Variants in SPAG16 observed in about 807,000 individuals in gnomAD.
The protein encoded by SPAG16 is sperm-associated antigen 16 protein.
Under a neutral mutation model 80.4 loss-of-function variants are expected in SPAG16, and 86 were observed. That is an observed-to-expected ratio of 1.07 (90% CI 0.90 to 1.28). SPAG16 has a LOEUF of 1.28. Among genes scored for constraint, SPAG16 ranks in the 50% most tolerant of loss-of-function variants. The pLI is 0.00. For synonymous variants in SPAG16, 294 were observed against 265.9 expected (o/e 1.11, Z -1.03); for missense variants, 870 against 765.3 (o/e 1.14, Z -1.61).
chr2:213,298,957 T>A (rs893388933), intron 3 of SPAG16, among the ~76,000 whole-genome samples: 10 of 152,226 alleles, frequency 6.6e-5, no homozygotes, highest in African/African-American at 1.9e-4. Context: ...TTATATTTTT[T>A]AATTTGCTTT....
In SPAG16 at chr2:213,817,256, G is replaced by GATATATATAT. The variant is rs549146369; in HGVS notation, c.1071-45220_1071-45211dup. 8.0e-3 allele frequency among the ~76,000 whole-genome samples: 1,130 copies of GATATATATAT among 140,840 alleles called. 15 individuals are homozygous for GATATATATAT. The highest frequency in any genetic ancestry group is 0.027 in the African/African-American group (1,024 of 38,540). 92.4% of individuals were successfully genotyped at this position (140,840 alleles called of 152,430 possible). A position where few individuals can be genotyped will look rare whatever the true frequency, so the allele number is the denominator to read the frequency against. On this transcript the variant is annotated intron_variant, in intron 10 of 15. Transcript: ENST00000331683. ...CTTATATATATATACTTATATATAT[G>GATATATATAT]ATATATATATATATATATCACAGTC...
intron 12 of SPAG16, among the ~76,000 whole-genome samples, chr2:213,931,039 A>G (rs1039910037): frequency 1.2e-4 from 19 of 152,162 alleles, no homozygotes; most frequent in African/African-American, 4.3e-4. Context: ...GTGTTCGCTC[A>G]GTCCTAGGGG....
chr2:213,872,350 A>G (rs1258144963), intron 11 of SPAG16, among the ~76,000 whole-genome samples: 1 of 152,028 alleles, frequency 6.6e-6, no homozygotes, highest in Admixed American at 6.6e-5. Context: ...GTTATCCACT[A>G]AGTTTGTGGT....
chr2:214,105,553 C>T (rs1054244801), intron 13 of SPAG16, among the ~76,000 whole-genome samples: 13 of 152,126 alleles, frequency 8.5e-5, no homozygotes, highest in African/African-American at 3.1e-4. Context: ...CCATTTCTAC[C>T]CCCAGGGTCA....
At chr2:214,297,300 GC>G (rs1215019758) in intron 15 of SPAG16, among the ~76,000 whole-genome samples, 1 of 152,070 alleles carries the variant, frequency 6.6e-6, no homozygotes, top group Non-Finnish European at 1.5e-5. Context: ...TTATGCAGAA[GC>G]TTTTTGGTTT....
chr2:214,155,845 C>T (rs1370786010), intron 15 of SPAG16, among the ~76,000 whole-genome samples: 1 of 152,084 alleles, frequency 6.6e-6, no homozygotes, highest in African/African-American at 2.4e-5. Flanking sequence ...GTTACTCTTG[C>T]CCCTGTTTTA....
chr2:214,351,102 C>T lies in SPAG16; in HGVS notation c.1721-59038C>T, dbSNP rs1424555077. 2.6e-5 allele frequency among the ~76,000 whole-genome samples: 4 copies of T among 152,092 alleles called. No individual in the cohort carries two copies. In the East Asian group the frequency reaches 7.7e-4, roughly 29 times the overall value. On this transcript the variant is annotated intron_variant, in intron 15 of 15. Transcript: ENST00000331683. ...TGGGAATGAGGATGTATGATCAATA[C>T]ACTAGAATAGATTTTATTGTAATCC... is the stretch of plus-strand genomic sequence containing the variant.
chr2:214,252,412 A>G (rs1690359113), intron 15 of SPAG16, among the ~76,000 whole-genome samples: 1 of 152,034 alleles, frequency 6.6e-6, no homozygotes, highest in South Asian at 2.1e-4. Flanking sequence ...CATCATCTAC[A>G]TTAGGTATTT....
chr2:213,581,434 G>A (rs1476585278), intron 10 of SPAG16, among the ~76,000 whole-genome samples: 1 of 152,014 alleles, frequency 6.6e-6, no homozygotes, highest in African/African-American at 2.4e-5. Flanking sequence ...TCTCAGGCTG[G>A]TCTTGAACTG....
chr2:213,353,974 T>G (rs2065482553), intron 7 of SPAG16, among the ~76,000 whole-genome samples: 1 of 152,188 alleles, frequency 6.6e-6, no homozygotes, highest in Non-Finnish European at 1.5e-5. Context: ...AAGTGCCATG[T>G]TGGTTTGCTA....
At chr2:213,484,999 C>T (rs890222284) in intron 9 of SPAG16, among the ~76,000 whole-genome samples, 68 of 145,212 alleles carry the variant, frequency 4.7e-4, no homozygotes, top group Admixed American at 8.9e-4. Context: ...TTTTTCTTTT[C>T]TTTTTTTTTT....
At chr2:214,009,994 A>T (rs1308737504) in intron 12 of SPAG16, among the ~76,000 whole-genome samples, 1 of 117,758 alleles carries the variant, frequency 8.5e-6, no homozygotes, top group Admixed American at 7.5e-5. Context: ...TAAAGGAATC[A>T]CCTGAGTAAA....
intron 12 of SPAG16, among the ~76,000 whole-genome samples, chr2:213,945,587 C>T (rs1430935755): frequency 6.6e-6 from 1 of 152,020 alleles, no homozygotes; most frequent in Non-Finnish European, 1.5e-5. Context: ...AGATGGTGCT[C>T]ACCAGATTAA....
chr2:213,867,104 C>G (rs1473795366), intron 11 of SPAG16, among the ~76,000 whole-genome samples: 1 of 152,130 alleles, frequency 6.6e-6, no homozygotes, highest in Non-Finnish European at 1.5e-5. Context: ...CTCAGTAGGA[C>G]TTGTCTGTCC....
At chr2:213,771,376 C>G (rs1437969366) in intron 10 of SPAG16, among the ~76,000 whole-genome samples, 2 of 152,080 alleles carry the variant, frequency 1.3e-5, no homozygotes, top group Non-Finnish European at 2.9e-5. Flanking sequence ...GGTTAGATCA[C>G]AAAAACTTTC....
At chr2:213,327,281 T>G (rs2063885182) in intron 5 of SPAG16, among the ~76,000 whole-genome samples, 1 of 152,020 alleles carries the variant, frequency 6.6e-6, no homozygotes, top group South Asian at 2.1e-4. Flanking sequence ...CAACTTTTAT[T>G]TTCCATTTAT....
intron 10 of SPAG16, among the ~76,000 whole-genome samples, chr2:213,493,284 C>A (rs1011239790): frequency 3.9e-5 from 6 of 152,132 alleles, no homozygotes; most frequent in African/African-American, 1.2e-4. Flanking sequence ...TTTTTCCCCT[C>A]TGGAGAAACA....
chr2:214,322,259 C>A (rs1386621583), intron 15 of SPAG16, among the ~76,000 whole-genome samples: 1 of 152,152 alleles, frequency 6.6e-6, no homozygotes, highest in Non-Finnish European at 1.5e-5. Context: ...TCCCTAAATT[C>A]TGATTTCAAT....
chr2:214,326,944 C>CAAAAAAAAAAA (rs5838428), intron 15 of SPAG16, among the ~76,000 whole-genome samples: 2 of 64,464 alleles, frequency 3.1e-5, no homozygotes, highest in Non-Finnish European at 5.3e-5. Flanking sequence ...GACTAAGTCT[C>CAAAAAAAAAAA]AAAAAAAAAA....
Sources: allele counts gnomAD v4.1 joint callset (sites outside exome capture counted in the v4.1 genomes callset), GRCh38; gene constraint gnomAD v4.1.1; transcripts MANE v1.5; gene names NCBI Gene and HGNC (gene_info 2026-07-23, HGNC 2026-07-21).